ZNF385D: variants seen among roughly 807,000 people sequenced by gnomAD.
ZNF385D encodes the protein zinc finger protein 659.
In ZNF385D, 15 loss-of-function variants were observed where a neutral mutation model predicts 35.8. That is an observed-to-expected ratio of 0.42 (90% CI 0.28 to 0.64). ZNF385D has a LOEUF of 0.64. Ranked by LOEUF, ZNF385D falls within the 30% of genes least tolerant of loss-of-function variation. ZNF385D has a pLI of 0.23. For synonymous variants in ZNF385D, 212 were observed against 186.8 expected (o/e 1.13, Z -1.10); for missense variants, 474 against 494.6 (o/e 0.96, Z 0.39).
chr3:21,977,657 A>AAT (rs765766931), intron 3 of ZNF385D, among the ~76,000 whole-genome samples: 2 of 151,864 alleles, frequency 1.3e-5, no homozygotes, highest in Non-Finnish European at 1.5e-5. Flanking sequence ...CATCTCTAAA[A>AAT]ATATATATAT....
intron 2 of ZNF385D, among the ~76,000 whole-genome samples, chr3:21,603,373 C>T: frequency 7.2e-6 from 1 of 138,522 alleles, no homozygotes; most frequent in East Asian, 2.1e-4. Flanking sequence ...CCTTCAGACC[C>T]AGCAATTCTG....
intron 3 of ZNF385D, among the ~76,000 whole-genome samples, chr3:22,068,497 C>T (rs1700074433): frequency 6.6e-6 from 1 of 152,154 alleles, no homozygotes; most frequent in African/African-American, 2.4e-5. Context: ...CTCTTAAGCT[C>T]TACTAATTCA....
rs1238132463 is a variant in ZNF385D, at chr3:22,279,501, T to G, written c.106+92949A>C. On this transcript the variant is annotated intron_variant, in intron 2 of 5. Transcript: ENST00000494108. ...TATATATATATGGAATATACATATG[T>G]ACATATATATGTATATACATATACA... 1.1e-3 allele frequency among the ~76,000 whole-genome samples: 152 copies of G among 140,588 alleles called. 1 individual carries two copies. Among genetic ancestry groups the G allele is most frequent in the African/African-American group, 3.9e-3 (134 of 34,420 alleles). The allele number at this position is 140,588 out of a possible 152,430, so 92.2% of individuals were successfully genotyped here.
intron 2 of ZNF385D, among the ~76,000 whole-genome samples, chr3:21,590,841 A>G (rs2063953860): frequency 1.3e-5 from 2 of 152,148 alleles, no homozygotes; most frequent in African/African-American, 4.8e-5. Flanking sequence ...AAAATATTAA[A>G]TATGTATACA....
intron 2 of ZNF385D, among the ~76,000 whole-genome samples, chr3:21,630,714 A>T (rs1182452628): frequency 6.6e-6 from 1 of 152,132 alleles, no homozygotes; most frequent in African/African-American, 2.4e-5. Flanking sequence ...CATTTTTCTC[A>T]TCAGAAATGT....
chr3:21,983,600 T>C (rs1390685849), intron 3 of ZNF385D, among the ~76,000 whole-genome samples: 3 of 141,840 alleles, frequency 2.1e-5, no homozygotes, highest in African/African-American at 7.9e-5. Flanking sequence ...GTCTTTGCTA[T>C]TGTGAATAAT....
chr3:21,924,404 C>G (rs905819136), intron 3 of ZNF385D, among the ~76,000 whole-genome samples: 2 of 152,136 alleles, frequency 1.3e-5, no homozygotes, highest in Non-Finnish European at 2.9e-5. Context: ...ATGAAAAAAG[C>G]CCTAACAAAA....
chr3:21,869,487 C>A (rs1466178864), intron 3 of ZNF385D, among the ~76,000 whole-genome samples: 2 of 152,054 alleles, frequency 1.3e-5, no homozygotes, highest in African/African-American at 4.8e-5. Flanking sequence ...TACTGTCAGG[C>A]TTCAATAAAT....
chr3:21,809,564 A>G (rs561233818), intron 3 of ZNF385D, among the ~76,000 whole-genome samples: 1 of 151,490 alleles, frequency 6.6e-6, no homozygotes, highest in African/African-American at 2.4e-5. Context: ...AACCCCTACA[A>G]CAAACCCTAT....
chr3:21,767,728 AG>A (rs1403605676), intron 3 of ZNF385D, among the ~76,000 whole-genome samples: 1 of 152,052 alleles, frequency 6.6e-6, no homozygotes, highest in Non-Finnish European at 1.5e-5. Context: ...GAGAAAGAAG[AG>A]AAAGGATTAT....
chr3:21,915,645 A>G (rs1700160876), intron 3 of ZNF385D, among the ~76,000 whole-genome samples: 1 of 152,176 alleles, frequency 6.6e-6, no homozygotes, highest in South Asian at 2.1e-4. Flanking sequence ...CACAAAGAAA[A>G]AAAACAAAAA....
intron 3 of ZNF385D, among the ~76,000 whole-genome samples, chr3:21,857,796 A>C (rs12494052): frequency 6.6e-6 from 1 of 151,508 alleles, no homozygotes. Flanking sequence ...TTCAGAGAGG[A>C]GTCACCTTTT....
chr3:22,127,084 T>C (rs1703477078), intron 3 of ZNF385D, among the ~76,000 whole-genome samples: 1 of 152,062 alleles, frequency 6.6e-6, no homozygotes, highest in South Asian at 2.1e-4. Context: ...GTGAAATGTG[T>C]TTCTTATAAG....
intron 3 of ZNF385D, among the ~76,000 whole-genome samples, chr3:21,847,914 C>T (rs1029106148): frequency 7.9e-5 from 12 of 152,096 alleles, no homozygotes; most frequent in African/African-American, 2.4e-4. Context: ...GGCACCATGT[C>T]GTGCAGCAGA....
At chr3:21,750,844 G>A (rs1428284075) in intron 1 of ZNF385D, 51 bp downstream of exon 1, 26 of 1,609,040 alleles carry the variant, frequency 1.6e-5, no homozygotes, top group Non-Finnish European at 2.1e-5. Flanking sequence ...TTGTCTGCAC[G>A]GATGAAGAGC....
At chr3:21,710,732 A>T (rs571889515) in intron 1 of ZNF385D, among the ~76,000 whole-genome samples, 66 of 152,328 alleles carry the variant, frequency 4.3e-4, no homozygotes, top group Non-Finnish European at 1.5e-4. Flanking sequence ...TCTTTGAAGC[A>T]TGAATGCTTG....
intron 4 of ZNF385D, among the ~76,000 whole-genome samples, chr3:21,470,054 T>C (rs1370113013): frequency 6.6e-6 from 1 of 152,234 alleles, no homozygotes; most frequent in Non-Finnish European, 1.5e-5. Context: ...CTAAGCACTT[T>C]GCTTACTGTG....
At chr3:21,890,778 G>C (rs1698812753) in intron 3 of ZNF385D, among the ~76,000 whole-genome samples, 1 of 152,180 alleles carries the variant, frequency 6.6e-6, no homozygotes, top group Non-Finnish European at 1.5e-5. Flanking sequence ...TTGCTGATGG[G>C]AAGGGGTAAT....
At chr3:21,448,860 C>CA (rs1183534258) in intron 4 of ZNF385D, among the ~76,000 whole-genome samples, 1 of 86,744 alleles carries the variant, frequency 1.2e-5, no homozygotes, top group African/African-American at 5.1e-5. Context: ...CAGCAAACTG[C>CA]CCCAGCACCA....
Sources: allele counts gnomAD v4.1 joint callset (sites outside exome capture counted in the v4.1 genomes callset), GRCh38; gene constraint gnomAD v4.1.1; transcripts MANE v1.5; gene names NCBI Gene and HGNC (gene_info 2026-07-23, HGNC 2026-07-21).